Variants in SCFD2 observed in about 807,000 individuals in gnomAD.
SCFD2 encodes sec1 family domain-containing protein 2.
Under a neutral mutation model 58.9 loss-of-function variants are expected in SCFD2, and 54 were observed. That is an observed-to-expected ratio of 0.92 (90% CI 0.74 to 1.15). The LOEUF (loss-of-function observed/expected upper bound fraction) is 1.15, where lower values mean the gene tolerates loss of function less well. SCFD2 is among the 50% of genes most tolerant of loss of function. The pLI, the probability that SCFD2 is intolerant of heterozygous loss-of-function variation, is 0.00. For synonymous variants in SCFD2, 321 were observed against 335.9 expected, an observed-to-expected ratio of 0.96 and a Z score of 0.49; for missense variants, 805 against 836.6, an observed-to-expected ratio of 0.96 and a Z score of 0.47.
intron 5 of SCFD2, among the ~76,000 whole-genome samples, chr4:52,986,716 G>A (rs143570215): frequency 0.011 from 1,709 of 151,910 alleles, 32 homozygotes; most frequent in African/African-American, 0.04. Flanking sequence ...AGACAGGATG[G>A]TCTCGATCTC....
chr4:52,935,963 G>A (rs573901984), intron 5 of SCFD2, among the ~76,000 whole-genome samples: 93 of 152,046 alleles, frequency 6.1e-4, no homozygotes, highest in Middle Eastern at 3.4e-3. Flanking sequence ...TCAGCCTCCC[G>A]AGTAGCTGGC....
chr4:53,217,621 C>G lies in SCFD2; in HGVS notation c.1311+56205G>C, dbSNP rs188896094. On this transcript the variant is annotated intron_variant, in intron 4 of 8. Transcript: ENST00000401642. ...AATTTGCCAGTCTGTGTCTTTTAAT[C>G]GGAGCATTTAGCCCATTTACATTTA... is the stretch of plus-strand genomic sequence containing the variant. Among the ~76,000 whole-genome samples the G allele has an allele frequency of 6.0e-4, 92 of 152,204 alleles. 2 individuals are homozygous for G. The East Asian group carries it at 0.012, about 20-fold the overall frequency.
In SCFD2 at chr4:53,160,003, T is replaced by C. The variant is rs532452219; in HGVS notation, c.1312-14421A>G. On this transcript the variant is annotated intron_variant, in intron 4 of 8. Coordinates refer to ENST00000401642, the MANE Select transcript of SCFD2 (RefSeq NM_152540.4). ...TCTAACAGGGTAGAAATGGTCTCCA[T>C]GAGCAGCTTATTTAAAGATGATAGA... Among the ~76,000 whole-genome samples, 3 of 152,324 alleles carry C rather than the reference T, an allele frequency of 2.0e-5. No individual in the cohort carries two copies. In the South Asian group the frequency reaches 6.2e-4, roughly 32 times the overall value.
At chr4:53,355,161 A>C (rs145696501) in intron 1 of SCFD2, among the ~76,000 whole-genome samples, 3 of 152,358 alleles carry the variant, frequency 2.0e-5, no homozygotes, top group Admixed American at 2.0e-4. Context: ...AGAAGTCTTC[A>C]TAAGAGCTCA....
chr4:53,187,149 C>A (rs1727759507), intron 4 of SCFD2, among the ~76,000 whole-genome samples: 1 of 151,914 alleles, frequency 6.6e-6, no homozygotes, highest in South Asian at 2.1e-4. Context: ...GAAAGGAAAG[C>A]CGAGCTCAGC....
At chr4:53,297,958 C>T (rs538104262) in intron 3 of SCFD2, among the ~76,000 whole-genome samples, 40 of 152,214 alleles carry the variant, frequency 2.6e-4, no homozygotes, top group Admixed American at 1.6e-3. Flanking sequence ...AAATTCTTTT[C>T]GGGTGCTGGA....
chr4:53,202,507 A>G (rs143675145), intron 4 of SCFD2, among the ~76,000 whole-genome samples: 128,428 of 150,330 alleles, frequency 0.85, 55,169 homozygotes, highest in Non-Finnish European at 0.91. Flanking sequence ...TTGGCAATGC[A>G]GGCTCTTTTT....
intron 5 of SCFD2, among the ~76,000 whole-genome samples, chr4:52,990,467 A>G (rs1244134650): frequency 1.3e-5 from 2 of 152,208 alleles, no homozygotes; most frequent in Admixed American, 1.3e-4. Flanking sequence ...TGTGTACTAC[A>G]TTAAGGAGAC....
At chr4:53,073,056 A>T (rs1381350525) in intron 5 of SCFD2, among the ~76,000 whole-genome samples, 1 of 152,060 alleles carries the variant, frequency 6.6e-6, no homozygotes, top group Non-Finnish European at 1.5e-5. Context: ...TATTCCAAAA[A>T]ATAGTGTCTG....
rs142790057 is a variant in SCFD2, at chr4:53,075,788, A to G, written c.1561+69545T>C. ...CAAACAATTATAATTGTAACAAAAA[A>G]GATCACTGATCACAGATCACAATGA... On this transcript the variant is annotated intron_variant, in intron 5 of 8. Transcript: ENST00000401642. Among the ~76,000 whole-genome samples the G allele has an allele frequency of 3.2e-3, 490 of 152,326 alleles. 3 individuals are homozygous for G. Among genetic ancestry groups the G allele is most frequent in the Non-Finnish European group, 5.3e-3 (358 of 68,030 alleles).
intron 5 of SCFD2, among the ~76,000 whole-genome samples, chr4:52,967,461 A>G (rs1044930714): frequency 2.6e-5 from 4 of 152,254 alleles, no homozygotes; most frequent in Non-Finnish European, 5.9e-5. Context: ...CCCATGAAGT[A>G]GGTACTAATA....
chr4:53,107,920 T>C (rs186557164), intron 5 of SCFD2, among the ~76,000 whole-genome samples: 5 of 152,314 alleles, frequency 3.3e-5, no homozygotes, highest in Admixed American at 2.6e-4. Flanking sequence ...CAACAGAATA[T>C]ACCTTCTTCA....
At chr4:53,190,087 C>T (rs1340424387) in intron 4 of SCFD2, among the ~76,000 whole-genome samples, 8 of 152,218 alleles carry the variant, frequency 5.3e-5, no homozygotes, top group Admixed American at 5.2e-4. Context: ...TCTGGAGTCA[C>T]ATTCCAATAT....
chr4:53,192,429 G>T (rs574793452), intron 4 of SCFD2, among the ~76,000 whole-genome samples: 2 of 152,274 alleles, frequency 1.3e-5, no homozygotes, highest in Admixed American at 1.3e-4. Context: ...TGAAATCAAG[G>T]TCAGAATCAA....
intron 4 of SCFD2, among the ~76,000 whole-genome samples, chr4:53,225,401 C>A (rs1035520742): frequency 1.3e-5 from 2 of 152,136 alleles, no homozygotes; most frequent in Non-Finnish European, 2.9e-5. Context: ...ATTTCCTCAT[C>A]TGTAAAATGG....
At chr4:53,213,569 C>T (rs1035383302) in intron 4 of SCFD2, among the ~76,000 whole-genome samples, 1 of 152,044 alleles carries the variant, frequency 6.6e-6, no homozygotes. Flanking sequence ...GATGTGCAGG[C>T]AAATACAGGA....
chr4:53,223,016 C>T (rs577249435), intron 4 of SCFD2, among the ~76,000 whole-genome samples: 67 of 152,210 alleles, frequency 4.4e-4, no homozygotes, highest in African/African-American at 1.5e-3. Flanking sequence ...CACACAAACA[C>T]GAGAGCCCTG....
intron 5 of SCFD2, among the ~76,000 whole-genome samples, chr4:52,938,986 A>C (rs2109509894): frequency 6.6e-6 from 1 of 152,242 alleles, no homozygotes; most frequent in Non-Finnish European, 1.5e-5. Flanking sequence ...CCAGTGTCTA[A>C]TTTACCACTC....
chr4:53,332,033 C>A (rs1022751885), intron 2 of SCFD2, among the ~76,000 whole-genome samples: 21 of 151,848 alleles, frequency 1.4e-4, no homozygotes, highest in African/African-American at 4.6e-4. Context: ...TACACTCTCC[C>A]AAGACTAAAC....
Sources: allele counts gnomAD v4.1 joint callset (sites outside exome capture counted in the v4.1 genomes callset), GRCh38; gene constraint gnomAD v4.1.1; transcripts MANE v1.5; gene names NCBI Gene and HGNC (gene_info 2026-07-23, HGNC 2026-07-21).